Variants in MALRD1 observed in about 807,000 individuals in gnomAD.
MALRD1 encodes MAM and LDL-receptor class A domain-containing protein 1.
Under a neutral mutation model 242.1 loss-of-function variants are expected in MALRD1, and 247 were observed. That is an observed-to-expected ratio of 1.02 (90% confidence interval 0.92 to 1.13). MALRD1 has a LOEUF of 1.13. Among genes scored for constraint, MALRD1 ranks in the 50% most tolerant of loss-of-function variants. MALRD1 has a pLI of 0.00. For synonymous variants in MALRD1, 995 were observed against 866.6 expected, an observed-to-expected ratio of 1.15 and a Z score of -2.60; for missense variants, 2,989 against 2,533.1, an observed-to-expected ratio of 1.18 and a Z score of -3.86.
chr10:19,720,668 C>A (rs1834704354), intron 38 of MALRD1, among the ~76,000 whole-genome samples: 1 of 152,156 alleles, frequency 6.6e-6, no homozygotes, highest in Non-Finnish European at 1.5e-5. Context: ...TCTCCAACTT[C>A]CTACTTCGTA....
At chr10:19,696,172 A>G (rs997602142) in intron 38 of MALRD1, among the ~76,000 whole-genome samples, 10 of 152,132 alleles carry the variant, frequency 6.6e-5, no homozygotes, top group African/African-American at 2.2e-4. Flanking sequence ...GGGCTCATGC[A>G]AGACTCAGAG....
chr10:19,209,144 A>G, intron 17 of MALRD1, 124 bp from the exon 18 acceptor site: 1 of 840,768 alleles, frequency 1.2e-6, no homozygotes. Context: ...TTTTAAAAAT[A>G]AAATGGCTTA....
intron 31 of MALRD1, among the ~76,000 whole-genome samples, chr10:19,506,967 A>G (rs1055599808): frequency 6.6e-6 from 1 of 152,088 alleles, no homozygotes. Flanking sequence ...AATAGTGCCA[A>G]CATCTGCTTG....
chr10:19,296,402 T>C (rs1841704480), intron 21 of MALRD1, among the ~76,000 whole-genome samples: 1 of 152,082 alleles, frequency 6.6e-6, no homozygotes, highest in South Asian at 2.1e-4. Context: ...TAGCTATGTG[T>C]TTTATAAGAG....
chr10:19,510,878 T>C (rs1380472136), intron 31 of MALRD1, among the ~76,000 whole-genome samples: 1 of 152,236 alleles, frequency 6.6e-6, no homozygotes, highest in Non-Finnish European at 1.5e-5. Context: ...GTTTGCTGAA[T>C]TCTTGCAGAT....
At chr10:19,436,143 G>C (rs923225478) in intron 28 of MALRD1, among the ~76,000 whole-genome samples, 2 of 152,110 alleles carry the variant, frequency 1.3e-5, no homozygotes, top group Admixed American at 6.6e-5. Context: ...GCAAGACCAA[G>C]TCCTAGAATC....
intron 4 of MALRD1, among the ~76,000 whole-genome samples, chr10:19,101,550 A>G (rs1275770080): frequency 7.3e-6 from 1 of 136,480 alleles, no homozygotes; most frequent in Non-Finnish European, 1.5e-5. Flanking sequence ...TAACATATAA[A>G]ATATATAATA....
At chr10:19,466,041 G>T (rs575752851) in intron 29 of MALRD1, among the ~76,000 whole-genome samples, 1 of 152,074 alleles carries the variant, frequency 6.6e-6, no homozygotes, top group African/African-American at 2.4e-5. Context: ...ATTGTAGATT[G>T]TTTTAATTTA....
At chr10:19,062,487 C>T (rs978557479) in intron 1 of MALRD1, among the ~76,000 whole-genome samples, 1 of 152,218 alleles carries the variant, frequency 6.6e-6, no homozygotes, top group Non-Finnish European at 1.5e-5. Context: ...CCCATGTTCA[C>T]AGCAGTGTTG....
intron 13 of MALRD1, among the ~76,000 whole-genome samples, chr10:19,169,869 C>A (rs1219010423): frequency 2.0e-5 from 3 of 152,138 alleles, no homozygotes; most frequent in Non-Finnish European, 4.4e-5. Flanking sequence ...CTTTCAGTTC[C>A]ACGTGTCTAA....
At chr10:19,122,904 T>G (rs2131377972) in intron 5 of MALRD1, among the ~76,000 whole-genome samples, 1 of 152,266 alleles carries the variant, frequency 6.6e-6, no homozygotes, top group Middle Eastern at 3.4e-3. Context: ...TTTTGTATTT[T>G]TAATAGAGAC....
Position 19,547,818 on chromosome 10 carries a change from A to ATTTTT in MALRD1, c.5478+16494_5478+16498dup, listed in dbSNP as rs869038128. On this transcript the variant is annotated intron_variant, in intron 32 of 39. Transcript: ENST00000454679. ...TATATATATATATATATATATATAT[A>ATTTTT]TTTTTTTTTTTTTTTTTTTTTTTTT... Among the ~76,000 whole-genome samples the ATTTTT allele has an allele frequency of 3.0e-4, 5 of 16,910 alleles. 1 individual carries two copies. Among genetic ancestry groups the ATTTTT allele is most frequent in the African/African-American group, 5.8e-4 (3 of 5,158 alleles). The allele number at this position is 16,910 out of a possible 152,430, so 11.1% of individuals were successfully genotyped here.
rs372817182 is a variant in MALRD1, at chr10:19,669,346, A to G, written c.6138-22936A>G. 7.2e-5 allele frequency among the ~76,000 whole-genome samples: 11 copies of G among 152,208 alleles called. No homozygotes were observed. In the East Asian group the frequency reaches 1.3e-3, roughly 19 times the overall value. The stretch of plus-strand genomic sequence containing the variant: ...AACAATCTTTAGAAATTAACCTCCC[A>G]TGCATCCTGTACTCTAGCAAAATGA... On this transcript the variant is annotated intron_variant, in intron 36 of 39. Coordinates refer to ENST00000454679, the MANE Select transcript of MALRD1 (RefSeq NM_001142308.3).
In MALRD1 at chr10:19,053,398, G is replaced by A. The variant is rs188904637; in HGVS notation, c.199+4261G>A. Among the ~76,000 whole-genome samples, 47 of 152,276 alleles carry A rather than the reference G, an allele frequency of 3.1e-4. No individual in the cohort carries two copies. In the East Asian group the frequency reaches 8.1e-3, roughly 26 times the overall value. Reference sequence around the variant, plus strand: ...GAAACTTGAATCCGGTGCATGCCTTGGTTTTGGTGCTGCTGCTGCTTCTCA... The same window carrying A: ...GAAACTTGAATCCGGTGCATGCCTTAGTTTTGGTGCTGCTGCTGCTTCTCA... On this transcript the variant is annotated intron_variant, in intron 1 of 39. Coordinates refer to ENST00000454679, the MANE Select transcript of MALRD1 (RefSeq NM_001142308.3).
chr10:19,707,320 C>T (rs1223347243), intron 38 of MALRD1, among the ~76,000 whole-genome samples: 10 of 152,020 alleles, frequency 6.6e-5, no homozygotes, highest in Non-Finnish European at 1.5e-4. Context: ...TATGATTTCA[C>T]TTTATTCTGA....
intron 31 of MALRD1, among the ~76,000 whole-genome samples, chr10:19,518,486 T>G (rs1435943085): frequency 6.6e-6 from 1 of 151,374 alleles, no homozygotes; most frequent in African/African-American, 2.4e-5. Flanking sequence ...TATTTTATTA[T>G]TTTTTGAAAT....
chr10:19,512,012 C>T (rs559099363), intron 31 of MALRD1, among the ~76,000 whole-genome samples: 2 of 151,902 alleles, frequency 1.3e-5, no homozygotes, highest in South Asian at 4.2e-4. Context: ...TTGGAGGAGT[C>T]CTCTTGAGTT....
chr10:19,286,946 G>C (rs1240759335), intron 21 of MALRD1, among the ~76,000 whole-genome samples: 1 of 151,144 alleles, frequency 6.6e-6, no homozygotes. Flanking sequence ...ACCGAATCCA[G>C]CAGCACATCA....
intron 21 of MALRD1, among the ~76,000 whole-genome samples, chr10:19,291,732 C>T (rs1362909416): frequency 6.6e-6 from 1 of 151,458 alleles, no homozygotes; most frequent in African/African-American, 2.4e-5. Flanking sequence ...AATGTAATAA[C>T]TAATTTAAAA....
Sources: gnomAD v4.1 joint callset for allele counts (sites outside exome capture counted in the v4.1 genomes callset) on GRCh38, gnomAD v4.1.1 for gene constraint, MANE v1.5 for transcripts, NCBI Gene and HGNC (gene_info 2026-07-23, HGNC 2026-07-21) for gene names.